The following CADPS2 variants were observed in gnomAD, a reference collection of about 807,000 sequenced individuals.
CADPS2 encodes calcium dependent secretion activator 2, also known as calcium-dependent secretion activator 2.
CADPS2 carries 93 observed loss-of-function variants against 172.5 expected under a neutral mutation model. That is an observed-to-expected ratio of 0.54 (90% CI 0.46 to 0.64). The LOEUF is 0.64. Among genes scored for constraint, CADPS2 ranks in the 30% least tolerant of loss-of-function variants. The pLI is 0.00. For missense variants in CADPS2, 1,420 were observed against 1,565.9 expected (o/e 0.91, Z 1.57); for synonymous variants, 546 against 555.2 (o/e 0.98, Z 0.23).
intron 17 of CADPS2, chr7:122,427,228 TC>T (rs2049283802): frequency 6.6e-6 from 1 of 152,152 alleles, no homozygotes; most frequent in Non-Finnish European, 1.5e-5. Flanking sequence ...TTTTTCCAGA[TC>T]GTGGGGAATC....
At chr7:122,522,566 C>A (rs1018048117) in intron 8 of CADPS2, among the ~76,000 whole-genome samples, 1 of 152,090 alleles carries the variant, frequency 6.6e-6, no homozygotes, top group Non-Finnish European at 1.5e-5. Context: ...GTAGTGGGAA[C>A]ATTTCAAATC....
At chr7:122,843,561 T>C (rs1811164773) in intron 1 of CADPS2, among the ~76,000 whole-genome samples, 1 of 152,200 alleles carries the variant, frequency 6.6e-6, no homozygotes, top group Non-Finnish European at 1.5e-5. Flanking sequence ...AAACAATGCA[T>C]GTGTGAGTTC....
intron 1 of CADPS2, among the ~76,000 whole-genome samples, chr7:122,830,151 A>C (rs1208303293): frequency 6.6e-6 from 1 of 152,188 alleles, no homozygotes; most frequent in Non-Finnish European, 1.5e-5. Context: ...ATTCAAACCC[A>C]GGTAGTCTGT....
chr7:122,782,791 T>C (rs943623890), intron 1 of CADPS2, among the ~76,000 whole-genome samples: 1 of 152,240 alleles, frequency 6.6e-6, no homozygotes, highest in Non-Finnish European at 1.5e-5. Flanking sequence ...TATTTTTTAA[T>C]ATTTTAGCTG....
rs147465328 is a variant in CADPS2 at position 122,811,771 on chromosome 7, C to T, written c.339+74228G>A. Among the ~76,000 whole-genome samples, 433 of 152,072 alleles carry T rather than the reference C, an allele frequency of 2.8e-3. 3 individuals carry two copies. Among genetic ancestry groups the T allele is most frequent in the Non-Finnish European group, 5.1e-3 (345 of 67,970 alleles). ...CTCCTATGTCATAGTTACCTAAGTA[C>T]GTCAACATATTTCTTTGATATCCTT... is the stretch of plus-strand genomic sequence containing the variant. On this transcript the variant is annotated intron_variant, in intron 1 of 29. Coordinates refer to ENST00000449022, the MANE Select transcript of CADPS2 (RefSeq NM_017954.11).
At chr7:122,719,958 G>A (rs901025156) in intron 2 of CADPS2, among the ~76,000 whole-genome samples, 5 of 152,036 alleles carry the variant, frequency 3.3e-5, no homozygotes, top group African/African-American at 9.7e-5. Flanking sequence ...AAAGAGGAAA[G>A]AACTTGCTCA....
intron 10 of CADPS2, among the ~76,000 whole-genome samples, chr7:122,490,803 G>A (rs1431937947): frequency 2.6e-5 from 4 of 151,754 alleles, no homozygotes; most frequent in Admixed American, 1.3e-4. Flanking sequence ...TAATCATTAT[G>A]TTTATTAATG....
At chr7:122,399,718 G>A (rs1345808810) in intron 20 of CADPS2, among the ~76,000 whole-genome samples, 3 of 100,246 alleles carry the variant, frequency 3.0e-5, no homozygotes, top group Non-Finnish European at 5.6e-5. Flanking sequence ...ACGGAGTCTC[G>A]CTCTGTCACC....
rs895791197 is a variant in CADPS2 at position 122,531,697 on chromosome 7, C to T, written c.1476-18382G>A. On this transcript the variant is annotated intron_variant, in intron 8 of 29. Coordinates refer to ENST00000449022, the MANE Select transcript of CADPS2 (RefSeq NM_017954.11). The stretch of plus-strand genomic sequence containing the variant: ...CAAATGACCCAATATATGTATTATC[C>T]CTTGTAATAAGTATAAAGATACTAC... 2.6e-5 allele frequency among the ~76,000 whole-genome samples: 4 copies of T among 151,946 alleles called. No individual in the cohort carries two copies. In the South Asian group the frequency reaches 8.3e-4, roughly 32 times the overall value.
At chr7:122,869,404 A>G (rs1819158605) in intron 1 of CADPS2, among the ~76,000 whole-genome samples, 1 of 152,108 alleles carries the variant, frequency 6.6e-6, no homozygotes, top group East Asian at 1.9e-4. Context: ...AACCCTGAAG[A>G]CCAGAAGTAA....
intron 6 of CADPS2, among the ~76,000 whole-genome samples, chr7:122,610,473 T>C (rs1256927275): frequency 6.6e-6 from 1 of 151,850 alleles, no homozygotes; most frequent in Non-Finnish European, 1.5e-5. Flanking sequence ...TATTGCATGA[T>C]TCCATTTTTA....
chr7:122,750,149 A>G (rs1341665676), intron 1 of CADPS2, among the ~76,000 whole-genome samples: 2 of 152,094 alleles, frequency 1.3e-5, no homozygotes, highest in African/African-American at 4.8e-5. Context: ...CTGAATGACT[A>G]TTGTATGCTA....
chr7:122,622,021 G>T (rs924528557), intron 4 of CADPS2, among the ~76,000 whole-genome samples: 3 of 152,126 alleles, frequency 2.0e-5, no homozygotes, highest in Admixed American at 1.3e-4. Flanking sequence ...AACATGCATG[G>T]AAGATATTTT....
chr7:122,520,698 T>C (rs1204265289), intron 8 of CADPS2, among the ~76,000 whole-genome samples: 2 of 152,120 alleles, frequency 1.3e-5, no homozygotes, highest in African/African-American at 4.8e-5. Context: ...CCTTTCTAAC[T>C]TGAAGATTGT....
intron 1 of CADPS2, among the ~76,000 whole-genome samples, chr7:122,856,946 A>G (rs1815417641): frequency 6.6e-6 from 1 of 152,224 alleles, no homozygotes; most frequent in South Asian, 2.1e-4. Context: ...AGTCTCAAAA[A>G]GTATACACTT....
At chr7:122,715,855 T>A (rs1036517752) in intron 2 of CADPS2, among the ~76,000 whole-genome samples, 6 of 152,122 alleles carry the variant, frequency 3.9e-5, no homozygotes, top group Non-Finnish European at 8.8e-5. Flanking sequence ...AATAATGACA[T>A]GATTTTGCTC....
At chr7:122,607,664 A>G (rs2073757720) in intron 6 of CADPS2, among the ~76,000 whole-genome samples, 1 of 152,156 alleles carries the variant, frequency 6.6e-6, no homozygotes, top group African/African-American at 2.4e-5. Context: ...ATTAATTCAG[A>G]TGCCTCTCAT....
chr7:122,705,545 T>A (rs13308244), intron 2 of CADPS2, among the ~76,000 whole-genome samples: 2 of 120,168 alleles, frequency 1.7e-5, no homozygotes, highest in Admixed American at 1.1e-4. Context: ...ATATTATATA[T>A]TATATATATT....
chr7:122,756,781 T>G (rs1309516995), intron 1 of CADPS2, among the ~76,000 whole-genome samples: 1 of 151,786 alleles, frequency 6.6e-6, no homozygotes, highest in Non-Finnish European at 1.5e-5. Flanking sequence ...GCACCTGTAA[T>G]CCCAGCTACT....
Sources: gnomAD v4.1 joint callset for allele counts (sites outside exome capture counted in the v4.1 genomes callset) on GRCh38, gnomAD v4.1.1 for gene constraint, MANE v1.5 for transcripts, NCBI Gene and HGNC (gene_info 2026-07-23, HGNC 2026-07-21) for gene names.